OSBPL10: variants seen among roughly 807,000 people sequenced by gnomAD.
OSBPL10 encodes oxysterol binding protein like 10.
In OSBPL10, 49 loss-of-function variants were observed where a neutral mutation model predicts 81.7. The ratio of observed to expected loss-of-function variants is 0.60; its 90% CI spans 0.48 to 0.76. The LOEUF is 0.76. Among genes scored for constraint, OSBPL10 ranks in the 30% least tolerant of loss-of-function variants. The pLI is 0.00. For synonymous variants in OSBPL10, 419 were observed against 383.6 expected, an observed-to-expected ratio of 1.09 and a Z score of -1.08; for missense variants, 923 against 987.8, an observed-to-expected ratio of 0.93 and a Z score of 0.88.
intron 5 of OSBPL10, among the ~76,000 whole-genome samples, chr3:31,739,683 GAGCCCTCACCAGAA>G (rs1381287693): frequency 2.0e-5 from 3 of 152,044 alleles, no homozygotes; most frequent in Non-Finnish European, 4.4e-5. Flanking sequence ...GCCATGAAGA[GAGCCCTCACCAGAA>G]ACTTTTGGCC....
chr3:31,723,531 CTGTT>C (rs1160259642), intron 6 of OSBPL10, among the ~76,000 whole-genome samples: 5 of 147,412 alleles, frequency 3.4e-5, no homozygotes, highest in Non-Finnish European at 5.9e-5. Context: ...CTCACTTGCT[CTGTT>C]TCTTACACAC....
intron 1 of OSBPL10, among the ~76,000 whole-genome samples, chr3:31,944,703 T>C (rs985148520): frequency 3.3e-5 from 5 of 152,058 alleles, no homozygotes; most frequent in Non-Finnish European, 7.4e-5. Context: ...AGACACCTTC[T>C]TCCCAGCACA....
intron 3 of OSBPL10, among the ~76,000 whole-genome samples, chr3:31,854,272 T>A (rs1408628682): frequency 6.6e-6 from 1 of 152,128 alleles, no homozygotes; most frequent in Non-Finnish European, 1.5e-5. Flanking sequence ...ATCTTCCTTT[T>A]AAACGTCATC....
At chr3:31,734,568 T>A (rs559542597) in intron 5 of OSBPL10, among the ~76,000 whole-genome samples, 1 of 152,076 alleles carries the variant, frequency 6.6e-6, no homozygotes, top group Admixed American at 6.5e-5. Context: ...CGAAACCCTA[T>A]CCCTACAAAA....
rs114939464 is a variant in OSBPL10 at position 31,830,263 on chromosome 3, A to C, written c.538-32T>G. ...TAAGCAACAGGTGTCAAAACTCAAC[A>C]ACTGACCTGCAGAACACAACTAAGT... is the stretch of plus-strand genomic sequence containing the variant. On this transcript the variant is annotated intron_variant, in intron 3 of 11. Coordinates refer to ENST00000396556, the MANE Select transcript of OSBPL10 (RefSeq NM_017784.5). 6.1e-4 allele frequency: 966 copies of C among 1,585,966 alleles called. 7 individuals are homozygous for C. The African/African-American group carries it at 0.012, about 19-fold the overall frequency.
At chr3:32,056,525 C>T (rs1413234141) in intron 1 of OSBPL10, among the ~76,000 whole-genome samples, 1 of 152,184 alleles carries the variant, frequency 6.6e-6, no homozygotes, top group African/African-American at 2.4e-5. Flanking sequence ...TTAAATTGAA[C>T]ATTTTAATCT....
chr3:31,926,386 T>C (rs1175552360), intron 1 of OSBPL10, among the ~76,000 whole-genome samples: 2 of 148,572 alleles, frequency 1.3e-5, no homozygotes, highest in Non-Finnish European at 3.0e-5. Context: ...TCAGGGATGC[T>C]GCTGAGCAGT....
rs554405103 is a variant in OSBPL10 at position 31,729,100 on chromosome 3, T to C, written c.1095+4157A>G. Among the ~76,000 whole-genome samples the C allele has an allele frequency of 3.2e-4, 49 of 152,340 alleles. 2 individuals are homozygous for C. In the South Asian group the frequency reaches 7.5e-3, roughly 23 times the overall value. ...ATTTGTTAAAACTGAGAACCTTGCA[T>C]TTTAAAATGGTGAATTATATTGTTT... On this transcript the variant is annotated intron_variant, in intron 6 of 11. Coordinates refer to ENST00000396556, the MANE Select transcript of OSBPL10 (RefSeq NM_017784.5).
chr3:31,997,799 T>A (rs1017569025), intron 2 of OSBPL10, among the ~76,000 whole-genome samples: 2 of 152,028 alleles, frequency 1.3e-5, no homozygotes, highest in Non-Finnish European at 2.9e-5. Flanking sequence ...TTTTTGTTTC[T>A]GAGACAGGGT....
intron 1 of OSBPL10, among the ~76,000 whole-genome samples, chr3:31,901,012 C>G (rs1033978550): frequency 5.9e-5 from 9 of 152,312 alleles, no homozygotes; most frequent in South Asian, 2.1e-4. Context: ...CTCTGCAACT[C>G]TACTGTAAAT....
At chr3:32,013,349 A>G (rs1006404262) in intron 2 of OSBPL10, among the ~76,000 whole-genome samples, 11 of 152,290 alleles carry the variant, frequency 7.2e-5, no homozygotes, top group African/African-American at 2.4e-4. Context: ...TGGCTACTGC[A>G]TACATAACGA....
chr3:31,825,038 G>T (rs1298013452), intron 4 of OSBPL10, among the ~76,000 whole-genome samples: 1 of 152,140 alleles, frequency 6.6e-6, no homozygotes, highest in Non-Finnish European at 1.5e-5. Flanking sequence ...ACTGAGGGTT[G>T]GGGGATGGAG....
Position 31,762,630 on chromosome 3 carries a change from A to ATTTTTTTTTTTTTTTTTTTTTTTT in OSBPL10, c.730-14511_730-14510insAAAAAAAAAAAAAAAAAAAAAAAA, listed in dbSNP as rs56311731. Among the ~76,000 whole-genome samples the ATTTTTTTTTTTTTTTTTTTTTTTT allele has an allele frequency of 6.2e-4, 38 of 61,476 alleles. 9 individuals are homozygous for ATTTTTTTTTTTTTTTTTTTTTTTT. Among genetic ancestry groups the ATTTTTTTTTTTTTTTTTTTTTTTT allele is most frequent in the African/African-American group, 1.4e-3 (17 of 12,522 alleles). 40.3% of individuals were successfully genotyped at this position (61,476 alleles called of 152,430 possible). On this transcript the variant is annotated intron_variant, in intron 4 of 11. Transcript: ENST00000396556. ...GCCTATGCACAACACCATGCCCAGC[A>ATTTTTTTTTTTTTTTTTTTTTTTT]TTTTTTTTTTTTTTTTTTTGTAGAG...
chr3:32,027,409 G>A (rs1338375703), intron 2 of OSBPL10, among the ~76,000 whole-genome samples: 1 of 152,184 alleles, frequency 6.6e-6, no homozygotes, highest in Admixed American at 6.5e-5. Flanking sequence ...CACAGAGAAG[G>A]GGAGAGGAAT....
chr3:31,665,809 G>A (rs1165257496), intron 10 of OSBPL10, among the ~76,000 whole-genome samples: 4 of 152,134 alleles, frequency 2.6e-5, no homozygotes, highest in African/African-American at 9.7e-5. Context: ...GGTGGGGCTG[G>A]GCACCAGGAC....
intron 1 of OSBPL10, among the ~76,000 whole-genome samples, chr3:32,054,220 C>A (rs888321734): frequency 3.3e-5 from 5 of 152,086 alleles, no homozygotes; most frequent in African/African-American, 1.2e-4. Flanking sequence ...ATAAACTTTC[C>A]AAAATCATTT....
At chr3:32,064,866 T>C (rs538510493) in intron 1 of OSBPL10, 1 of 93,860 alleles carries the variant, frequency 1.1e-5, no homozygotes, top group South Asian at 4.2e-4. Context: ...TGTGTGTTTT[T>C]TTGTTTTTTT....
intron 11 of OSBPL10, chr3:31,663,526 T>C: frequency 1.0e-6 from 1 of 999,206 alleles, no homozygotes. Flanking sequence ...AGATATTATT[T>C]CTAGCTTCTA....
rs1168030684 is a variant in OSBPL10 at position 31,830,046 on chromosome 3, GACTTC to G, written c.718_722del (p.Glu240GlnfsTer19). Reference sequence around the variant, plus strand: ...GTAGGAGAGCAAAGCCTACCTCTCTGACTTCGTGAAGCTGGCCGGAATACTGACTC... The same window carrying G: ...GTAGGAGAGCAAAGCCTACCTCTCTGGTGAAGCTGGCCGGAATACTGACTC... On this transcript the variant is annotated frameshift_variant, in exon 4 of 12. Coordinates refer to ENST00000396556, the MANE Select transcript of OSBPL10 (RefSeq NM_017784.5). LOFTEE classifies it high-confidence loss of function. The G allele has an allele frequency of 6.2e-7, 1 of 1,612,616 alleles. No individual in the cohort carries two copies.
Sources: allele counts gnomAD v4.1 joint callset (sites outside exome capture counted in the v4.1 genomes callset), GRCh38; gene constraint gnomAD v4.1.1; transcripts MANE v1.5; gene names NCBI Gene and HGNC (gene_info 2026-07-23, HGNC 2026-07-21).